Variants in PDAP1 observed in about 807,000 individuals in gnomAD.
The protein encoded by PDAP1 is PDGFA associated protein 1.
Under a neutral mutation model 28.0 loss-of-function variants are expected in PDAP1, and 13 were observed. That is an observed-to-expected ratio of 0.46 (90% confidence interval 0.30 to 0.74). The LOEUF is 0.74. Among genes scored for constraint, PDAP1 ranks in the 30% least tolerant of loss-of-function variants. The pLI, the probability that PDAP1 is intolerant of heterozygous loss-of-function variation, is 0.07. For synonymous variants in PDAP1, 77 were observed against 85.1 expected (o/e 0.91, Z 0.52); for missense variants, 150 against 230.0 (o/e 0.65, Z 2.25).
At position 99,395,291 on chromosome 7, in the gene PDAP1, C is replaced by G. The variant is rs1474580840; in HGVS notation, c.*1391G>C. The G allele has an allele frequency of 6.6e-6, 1 of 152,274 alleles. No individual in the cohort carries two copies. Among genetic ancestry groups the G allele is most frequent in the African/African-American group, 2.4e-5 (1 of 41,430 alleles). 9.4% of individuals were successfully genotyped at this position (152,274 alleles called of 1,614,324 possible). ...TCAGCCTCCCAAGTAGCTGGGATTA[C>G]AGGCATACACCACCAAGCCTGGTTA... On this transcript the variant is annotated 3_prime_UTR_variant, in exon 6 of 6. Coordinates refer to ENST00000350498, the MANE Select transcript of PDAP1 (RefSeq NM_014891.7).
chr7:99,403,147 G>A (rs929706513), intron 3 of PDAP1, among the ~76,000 whole-genome samples: 1 of 152,166 alleles, frequency 6.6e-6, no homozygotes, highest in East Asian at 1.9e-4. Context: ...TCAGATCTCA[G>A]TTTATAAGTT....
intron 1 of PDAP1, 65 bp downstream of exon 1, chr7:99,408,471 G>A: frequency 2.3e-6 from 3 of 1,324,004 alleles, no homozygotes; most frequent in East Asian, 3.1e-5. Flanking sequence ...CGGGCTGAGG[G>A]GACAGCGGAA....
chr7:99,401,832 G>GA (rs1794873017), intron 3 of PDAP1, among the ~76,000 whole-genome samples: 1 of 151,484 alleles, frequency 6.6e-6, no homozygotes, highest in African/African-American at 2.4e-5. Context: ...AAGTAGCTGG[G>GA]ACTACAGGCG....
At chr7:99,407,195 A>G (rs914010725) in intron 1 of PDAP1, among the ~76,000 whole-genome samples, 1 of 152,208 alleles carries the variant, frequency 6.6e-6, no homozygotes, top group Admixed American at 6.5e-5. Flanking sequence ...TGTGGTTTTC[A>G]GATTAACCCA....
rs1794727252 is a variant in PDAP1 at position 99,395,199 on chromosome 7, G to A, written c.*1483C>T. On this transcript the variant is annotated 3_prime_UTR_variant, in exon 6 of 6. Transcript: ENST00000350498. ...GGAGTTTTGCTCGTCACCCAGGCTG[G>A]AGTGCAGTTGTGCGTTCTCAGCTCA... 6.6e-6 allele frequency: 1 copy of A among 151,932 alleles called. No homozygotes were observed. Among genetic ancestry groups the A allele is most frequent in the South Asian group, 2.1e-4 (1 of 4,824 alleles). The allele number at this position is 151,932 out of a possible 1,614,324, so 9.4% of individuals were successfully genotyped here.
At chr7:99,397,027 T>G (rs926561662) in intron 5 of PDAP1, among the ~76,000 whole-genome samples, 6 of 152,098 alleles carry the variant, frequency 3.9e-5, no homozygotes, top group African/African-American at 1.2e-4. Context: ...TCACCCCACC[T>G]CCCAGCAGAA....
intron 1 of PDAP1, among the ~76,000 whole-genome samples, chr7:99,408,204 C>A (rs973134679): frequency 6.6e-6 from 1 of 152,146 alleles, no homozygotes; most frequent in African/African-American, 2.4e-5. Context: ...AAGCGCGGGA[C>A]GCGGTGACTC....
chr7:99,404,854 G>C lies in PDAP1; in HGVS notation c.105+8C>G, dbSNP rs548556478. 1.2e-6 allele frequency: 2 copies of C among 1,609,402 alleles called. No individual in the cohort carries two copies. The highest frequency in any genetic ancestry group is 2.1e-4 in the Middle Eastern group (1 of 4,654). On this transcript the variant is annotated splice_region_variant and intron_variant, in intron 2 of 5. Coordinates refer to ENST00000350498, the MANE Select transcript of PDAP1 (RefSeq NM_014891.7). ...CCACTGGCGTGGCCTGGACAGGCAC[G>C]TACTCACCCTGGCCTTCTGCTTCTC...
chr7:99,406,439 C>A, intron 1 of PDAP1: 1 of 343,336 alleles, frequency 2.9e-6, no homozygotes, highest in Non-Finnish European at 4.1e-6. Context: ...AAACCCAAAC[C>A]TACAGGCAAA....
chr7:99,397,511 C>T (rs944304857), intron 5 of PDAP1, among the ~76,000 whole-genome samples: 5 of 152,182 alleles, frequency 3.3e-5, no homozygotes, highest in African/African-American at 1.2e-4. Flanking sequence ...CCTGGGTTCC[C>T]AAGGCACCAG....
chr7:99,405,039 C>T (rs538831378), intron 1 of PDAP1, 86 bp from the exon 2 acceptor site: 8 of 968,784 alleles, frequency 8.3e-6, no homozygotes, highest in African/African-American at 1.6e-5. Flanking sequence ...TTGGAGTACT[C>T]TCATCGGAGG....
intron 5 of PDAP1, among the ~76,000 whole-genome samples, chr7:99,397,640 G>C (rs1794792442): frequency 6.6e-6 from 1 of 152,236 alleles, no homozygotes; most frequent in Non-Finnish European, 1.5e-5. Flanking sequence ...GTGCTCTGCT[G>C]AGACTTCAAC....
At chr7:99,396,875 G>A (rs538467455) in intron 5 of PDAP1, 135 bp from the exon 6 acceptor site, 94 of 694,780 alleles carry the variant, frequency 1.4e-4, no homozygotes, top group Non-Finnish European at 1.3e-4. Flanking sequence ...GAGCCGAGGC[G>A]TGGGAGAGGA....
In PDAP1 at chr7:99,400,287, C is replaced by T. The variant is rs755849675; in HGVS notation, c.335+16G>A. ...CCTGTATTCCCCGTGACACAAGGCCCAGCCAGTGATGTTACCGTTCTCTCC... is the reference window on the plus strand; with the variant it reads ...CCTGTATTCCCCGTGACACAAGGCCTAGCCAGTGATGTTACCGTTCTCTCC... On this transcript the variant is annotated intron_variant, in intron 4 of 5. Coordinates refer to ENST00000350498, the MANE Select transcript of PDAP1 (RefSeq NM_014891.7). 13 of 1,612,774 alleles carry T rather than the reference C, an allele frequency of 8.1e-6. No individual in the cohort carries two copies. Among genetic ancestry groups the T allele is most frequent in the Non-Finnish European group, 9.3e-6 (11 of 1,179,778 alleles).
At chr7:99,403,213 T>C in intron 3 of PDAP1, 185 bp downstream of exon 3, 1 of 593,166 alleles carries the variant, frequency 1.7e-6, no homozygotes, top group East Asian at 2.8e-5. Flanking sequence ...GTTTTGTTAG[T>C]AACACTTCTC....
At chr7:99,407,357 C>CA (rs1215369090) in intron 1 of PDAP1, among the ~76,000 whole-genome samples, 1 of 152,208 alleles carries the variant, frequency 6.6e-6, no homozygotes, top group Non-Finnish European at 1.5e-5. Context: ...ATGGCTCATT[C>CA]AGCAACCTCC....
chr7:99,394,698 GA>G lies in PDAP1; in HGVS notation c.*1983del, dbSNP rs57668352. 126,099 of 883,440 alleles carry G rather than the reference GA, an allele frequency of 0.14. No individual in the cohort carries two copies. Among genetic ancestry groups the G allele is most frequent in the Non-Finnish European group, 0.15 (105,532 of 681,170 alleles). The allele number at this position is 883,440 out of a possible 1,614,324, so 54.7% of individuals were successfully genotyped here. A position where few individuals can be genotyped will look rare whatever the true frequency, so the allele number is the denominator to read the frequency against. The stretch of plus-strand genomic sequence containing the variant: ...TTTTTCTTAAATGCTTTCATTTATT[GA>G]AAAAAAAAAAAAATGCCCCCAAAGC... On this transcript the variant is annotated 3_prime_UTR_variant, in exon 6 of 6. Transcript: ENST00000350498.
intron 2 of PDAP1, among the ~76,000 whole-genome samples, chr7:99,404,179 C>G (rs1210448347): frequency 6.6e-6 from 1 of 152,198 alleles, no homozygotes; most frequent in African/African-American, 2.4e-5. Flanking sequence ...CTGGATGTGG[C>G]CTTTCCCTTC....
intron 2 of PDAP1, 33 bp downstream of exon 2, chr7:99,404,829 C>G (rs1794940619): frequency 6.4e-7 from 1 of 1,570,230 alleles, no homozygotes. Context: ...CCACCCTGGG[C>G]CACTGGCGTG....
Sources: gnomAD v4.1 joint callset for allele counts (sites outside exome capture counted in the v4.1 genomes callset) on GRCh38, gnomAD v4.1.1 for gene constraint, MANE v1.5 for transcripts, NCBI Gene and HGNC (gene_info 2026-07-23, HGNC 2026-07-21) for gene names.